Variants in ITGAM observed in about 807,000 individuals in gnomAD.
The protein encoded by ITGAM is integrin subunit alpha M.
ITGAM carries 79 observed loss-of-function variants against 137.5 expected under a neutral mutation model. That is an observed-to-expected ratio of 0.57 (90% CI 0.48 to 0.69). ITGAM has a LOEUF of 0.69. Ranked by LOEUF, ITGAM falls within the 30% of genes least tolerant of loss-of-function variation. The probability of loss-of-function intolerance (pLI) is 0.00; values close to 1 mark genes in which losing one functional copy is unlikely to be tolerated. For synonymous variants in ITGAM, 583 were observed against 592.3 expected, an observed-to-expected ratio of 0.98 and a Z score of 0.23; for missense variants, 1,343 against 1,483.5, an observed-to-expected ratio of 0.91 and a Z score of 1.56.
At chr16:31,291,252 A>G (rs897871858) in intron 12 of ITGAM, among the ~76,000 whole-genome samples, 2 of 152,152 alleles carry the variant, frequency 1.3e-5, no homozygotes, top group Admixed American at 6.6e-5. Context: ...TGGACACTTA[A>G]GTTGATTCTA....
At position 31,329,157 on chromosome 16, in the gene ITGAM, C is replaced by T. The variant is rs142693860; in HGVS notation, c.2793-71C>T. ...CATGTGCCTGTTCGCTCCTTACACA[C>T]TTAGCCTGAGACACCCTCCCAGGGC... On this transcript the variant is annotated intron_variant, in intron 23 of 29. Transcript: ENST00000544665. 2.1e-5 allele frequency: 19 copies of T among 911,526 alleles called. No homozygotes were observed. In the East Asian group the frequency reaches 5.3e-4, roughly 25 times the overall value. 56.5% of individuals were successfully genotyped at this position (911,526 alleles called of 1,614,324 possible).
chr16:31,299,391 C>A (rs1042798037), intron 14 of ITGAM, among the ~76,000 whole-genome samples: 1 of 152,106 alleles, frequency 6.6e-6, no homozygotes, highest in East Asian at 1.9e-4. Flanking sequence ...CTCACTGCAA[C>A]CTTACCTCCT....
chr16:31,281,683 T>C (rs557367308), intron 12 of ITGAM, among the ~76,000 whole-genome samples: 4 of 152,324 alleles, frequency 2.6e-5, no homozygotes, highest in Admixed American at 6.5e-5. Flanking sequence ...CCTGGATTCA[T>C]TGATTTTTTG....
chr16:31,314,985 G>T (rs984295548), intron 14 of ITGAM, among the ~76,000 whole-genome samples: 1 of 151,626 alleles, frequency 6.6e-6, no homozygotes, highest in African/African-American at 2.4e-5. Flanking sequence ...GCTAATTTTT[G>T]TATTTTTAGT....
intron 11 of ITGAM, 121 bp from the exon 12 acceptor site, chr16:31,277,846 G>A (rs1484642422): frequency 1.0e-5 from 10 of 972,750 alleles, no homozygotes; most frequent in African/African-American, 3.3e-5. Flanking sequence ...TATAGCGTAG[G>A]GATCAGTTAC....
chr16:31,324,799 G>T lies in ITGAM; in HGVS notation c.2289+17G>T. ...ACAGCCTTGGTGAGTCCAGAGTTGGGGTCCTGCAGGGGTGTGGAAGAGACC... is the reference window on the plus strand; with the variant it reads ...ACAGCCTTGGTGAGTCCAGAGTTGGTGTCCTGCAGGGGTGTGGAAGAGACC... On this transcript the variant is annotated intron_variant, in intron 18 of 29. Coordinates refer to ENST00000544665, the MANE Select transcript of ITGAM (RefSeq NM_000632.4). The surrounding 1 kb of genome is among the most constrained non-coding windows in gnomAD (Gnocchi z 4.5). The T allele has an allele frequency of 6.5e-7, 1 of 1,549,074 alleles. No individual in the cohort carries two copies. The highest frequency in any genetic ancestry group is 8.7e-7 in the Non-Finnish European group (1 of 1,150,648).
intron 14 of ITGAM, among the ~76,000 whole-genome samples, chr16:31,300,682 G>C (rs1024358922): frequency 1.3e-5 from 2 of 152,156 alleles, no homozygotes; most frequent in African/African-American, 4.8e-5. Context: ...AAGCCGAGGC[G>C]GGTGTATCAC....
chr16:31,299,177 T>TGG (rs1292622515), intron 14 of ITGAM, among the ~76,000 whole-genome samples: 3 of 152,196 alleles, frequency 2.0e-5, no homozygotes, highest in African/African-American at 7.2e-5. Flanking sequence ...ATTGGTGCAA[T>TGG]GTTGTACAGC....
chr16:31,319,490 T>C (rs982216020), intron 14 of ITGAM, among the ~76,000 whole-genome samples: 31 of 152,234 alleles, frequency 2.0e-4, no homozygotes, highest in African/African-American at 7.2e-4. Context: ...CATCCTGCTC[T>C]CTTTTGGTTA....
At chr16:31,279,324 CA>C (rs1441267918) in intron 12 of ITGAM, among the ~76,000 whole-genome samples, 6 of 152,166 alleles carry the variant, frequency 3.9e-5, no homozygotes, top group African/African-American at 1.4e-4. Context: ...CTGTCTTCCA[CA>C]ATGGTTGAAC....
chr16:31,261,105 A>AGAG (rs1265154277), intron 1 of ITGAM, among the ~76,000 whole-genome samples: 1 of 151,780 alleles, frequency 6.6e-6, no homozygotes, highest in Non-Finnish European at 1.5e-5. Flanking sequence ...AGGCTAACAG[A>AGAG]GCTGGACCTG....
chr16:31,284,759 G>C (rs1013222312), intron 12 of ITGAM, among the ~76,000 whole-genome samples: 2 of 152,124 alleles, frequency 1.3e-5, no homozygotes, highest in Non-Finnish European at 2.9e-5. Flanking sequence ...GATGAACCCA[G>C]TACCTCAGTT....
At chr16:31,278,245 G>C (rs1368392099) in intron 12 of ITGAM, 136 bp downstream of exon 12, 18 of 911,154 alleles carry the variant, frequency 2.0e-5, no homozygotes, top group Middle Eastern at 2.3e-4. Flanking sequence ...GGGGAGTTGT[G>C]GGATCAGCTT....
intron 16 of ITGAM, among the ~76,000 whole-genome samples, chr16:31,322,605 G>C (rs903436978): frequency 6.6e-6 from 1 of 152,140 alleles, no homozygotes; most frequent in African/African-American, 2.4e-5. Flanking sequence ...AAATACCTTG[G>C]TCTTTCCATT....
chr16:31,262,394 TCCTTCCTTC>T (rs1251727646), intron 2 of ITGAM, among the ~76,000 whole-genome samples: 4 of 140,830 alleles, frequency 2.8e-5, no homozygotes, highest in Admixed American at 1.4e-4. Flanking sequence ...CTTCCTTCCT[TCCTTCCTTC>T]ATTTCTTTCT....
rs1177779661 is a variant in ITGAM, at chr16:31,265,495, C to A, written c.235C>A (p.Gln79Lys). The change falls in exon 3 of 30, where the codon CAG (glutamine) becomes AAG (lysine). Residue 79 changes from glutamine to lysine, a missense_variant. By Grantham distance (53) the Gln-to-Lys change is moderately conservative (BLOSUM62 1). Transcript: ENST00000544665. ...AGGCTCATGCGAGCCCATCCGCCTG[C>A]AGGGTGAGTCACTGCCCCGCCGGGC... is the stretch of plus-strand genomic sequence containing the variant. ...STGSCEPIRLQVPVEAVNMSL... is the reference protein window; with the variant it reads ...STGSCEPIRLKVPVEAVNMSL... 4 of 1,588,020 alleles carry A rather than the reference C, an allele frequency of 2.5e-6. No homozygotes were observed. The South Asian group carries it at 4.5e-5, about 18-fold the overall frequency.
rs2144382316 is a variant in ITGAM at position 31,297,883 on chromosome 16, G to A, written c.1636G>A (p.Glu546Lys). 6.2e-7 allele frequency: 1 copy of A among 1,614,066 alleles called. No homozygotes were observed. Among genetic ancestry groups the A allele is most frequent in the Non-Finnish European group, 8.5e-7 (1 of 1,179,988 alleles). ...CGTGGCCATTGGGGCCCCAGGAGAG[G>A]AGGACAACCGGGGTGCTGTTTACCT... ...TDVAIGAPGE[E>K]DNRGAVYLFH... Residue 546 changes from glutamate (E) to lysine (K), a missense_variant, in exon 14 of 30, where the codon GAG becomes AAG. Coordinates refer to ENST00000544665, the MANE Select transcript of ITGAM (RefSeq NM_000632.4).
intron 14 of ITGAM, among the ~76,000 whole-genome samples, chr16:31,318,249 G>T (rs1163196297): frequency 6.6e-6 from 1 of 151,808 alleles, no homozygotes; most frequent in Non-Finnish European, 1.5e-5. Flanking sequence ...TATTGCTATG[G>T]CATCAGTTGT....
At chr16:31,288,695 T>C (rs1186016385) in intron 12 of ITGAM, among the ~76,000 whole-genome samples, 1 of 152,232 alleles carries the variant, frequency 6.6e-6, no homozygotes, top group Non-Finnish European at 1.5e-5. Flanking sequence ...GACATAAGCA[T>C]GGTCAAGGAC....
Sources: allele counts gnomAD v4.1 joint callset (sites outside exome capture counted in the v4.1 genomes callset), GRCh38; gene constraint gnomAD v4.1.1; non-coding constraint Gnocchi (gnomAD v3.1); transcripts MANE v1.5; gene names NCBI Gene and HGNC (gene_info 2026-07-23, HGNC 2026-07-21).